BBS1: variants seen among roughly 807,000 people sequenced by gnomAD.
The protein encoded by BBS1 is BBSome complex member BBS1.
A neutral mutation model predicts 73.9 loss-of-function variants in BBS1; 60 were observed. The observed-to-expected ratio is 0.81, with a 90% CI of 0.66 to 1.01. The LOEUF is 1.01. Among genes scored for constraint, BBS1 ranks in the 50% least tolerant of loss-of-function variants. The pLI is 0.00. For synonymous variants in BBS1, 283 were observed against 317.4 expected (o/e 0.89, Z 1.15); for missense variants, 718 against 770.3 (o/e 0.93, Z 0.80).
chr11:66,521,279 C>A lies in BBS1; in HGVS notation c.733C>A (p.Pro245Thr), dbSNP rs932467950. Residue 245 changes from proline (P) to threonine (T), a missense_variant, in exon 9 of 17, where the codon CCC becomes ACC. Physicochemically the swap from Pro to Thr is conservative, Grantham distance 38 (BLOSUM62 -1). Coordinates refer to ENST00000318312, the MANE Select transcript of BBS1 (RefSeq NM_024649.5). The stretch of plus-strand genomic sequence containing the variant: ...CGCTTCTTGTTTGCAGATGAGCCTT[C>A]CCAGCGTCCCCGTCTTCCTAGAGGT... ...AFTILAKMSL[P>T]SVPVFLEVSG... The A allele has an allele frequency of 6.2e-7, 1 of 1,613,918 alleles. No homozygotes were observed. Among genetic ancestry groups the A allele is most frequent in the Non-Finnish European group, 8.5e-7 (1 of 1,179,932 alleles).
intron 7 of BBS1, among the ~76,000 whole-genome samples, chr11:66,518,974 G>A (rs1339575148): frequency 1.3e-5 from 2 of 152,110 alleles, no homozygotes; most frequent in African/African-American, 4.8e-5. Context: ...TGCTGCCCAA[G>A]CTGGTCTTGG....
At chr11:66,523,225 G>A in intron 9 of BBS1, 1 of 656,214 alleles carries the variant, frequency 1.5e-6, no homozygotes, top group Non-Finnish European at 2.8e-6. Context: ...ACACCATAGT[G>A]AAGGTGGGAG....
Position 66,514,557 on chromosome 11 carries a change from T to C in BBS1, c.311T>C (p.Leu104Pro). 1 of 1,614,190 alleles carries C rather than the reference T, an allele frequency of 6.2e-7. No individual in the cohort carries two copies. Among genetic ancestry groups the C allele is most frequent in the Non-Finnish European group, 8.5e-7 (1 of 1,180,040 alleles). Residue 104 changes from leucine (L) to proline (P), a missense_variant, in exon 4 of 17, where the codon CTG (leucine) becomes CCG (proline). Coordinates refer to ENST00000318312, the MANE Select transcript of BBS1 (RefSeq NM_024649.5). Reference protein sequence around the residue: ...MEQHEPRTPALALASGPCVYV... With the variant: ...MEQHEPRTPAPALASGPCVYV... ...CAACATGAGCCCCGGACCCCAGCTC[T>C]GGCACTTGCTTCAGGCCCTTGTGTC...
intron 8 of BBS1, among the ~76,000 whole-genome samples, chr11:66,520,138 C>T (rs954829278): frequency 5.3e-5 from 8 of 151,986 alleles, no homozygotes; most frequent in Non-Finnish European, 1.2e-4. Context: ...CCAGCCTGGG[C>T]GACAGAGTGA....
At chr11:66,519,992 T>C (rs548085992) in intron 8 of BBS1, 1 of 417,144 alleles carries the variant, frequency 2.4e-6, no homozygotes, top group Admixed American at 3.6e-5. Flanking sequence ...TGTAAATATT[T>C]CTCTTTATAA....
In BBS1 at chr11:66,531,652, T is replaced by G; in HGVS notation, c.1609-4T>G. 1 of 1,614,014 alleles carries G rather than the reference T, an allele frequency of 6.2e-7. No homozygotes were observed. The highest frequency in any genetic ancestry group is 1.1e-5 in the South Asian group (1 of 91,086). Reference sequence around the variant, plus strand: ...TTTCCTTACTTCTTTGTCCCCAAACTTAGGTACCCTTGCTGGTGCCAGGGC... The same window carrying G: ...TTTCCTTACTTCTTTGTCCCCAAACGTAGGTACCCTTGCTGGTGCCAGGGC... On this transcript the variant is annotated splice_polypyrimidine_tract_variant and splice_region_variant and intron_variant, in intron 15 of 16. Coordinates refer to ENST00000318312, the MANE Select transcript of BBS1 (RefSeq NM_024649.5).
At chr11:66,530,362 C>T (rs949306399) in intron 14 of BBS1, among the ~76,000 whole-genome samples, 4 of 151,684 alleles carry the variant, frequency 2.6e-5, no homozygotes, top group Non-Finnish European at 4.4e-5. Flanking sequence ...CGGCCTCACC[C>T]GCAAGCACCG....
At chr11:66,511,984 T>G (rs970946984) in intron 3 of BBS1, among the ~76,000 whole-genome samples, 1 of 140,748 alleles carries the variant, frequency 7.1e-6, no homozygotes, top group Admixed American at 7.0e-5. Context: ...GATGACAGAG[T>G]GAGACAGTTT....
At chr11:66,521,504 A>C (rs1291958124) in intron 9 of BBS1, 128 bp downstream of exon 9, 3 of 771,604 alleles carry the variant, frequency 3.9e-6, no homozygotes, top group Non-Finnish European at 2.2e-6. Context: ...GAACTTCATA[A>C]AGGAGGCTGA....
intron 7 of BBS1, among the ~76,000 whole-genome samples, chr11:66,519,077 A>AT (rs1856122461): frequency 6.6e-6 from 1 of 152,124 alleles, no homozygotes; most frequent in Non-Finnish European, 1.5e-5. Flanking sequence ...TATTCTTTTT[A>AT]AATATGACTT....
intron 15 of BBS1, 138 bp downstream of exon 15, chr11:66,531,166 C>A: frequency 8.0e-7 from 1 of 1,250,974 alleles, no homozygotes; most frequent in Non-Finnish European, 1.1e-6. Context: ...ACTCTCCCAC[C>A]ACAGACCAGG....
intron 13 of BBS1, chr11:66,529,427 C>G (rs1225985416): frequency 5.4e-6 from 5 of 930,022 alleles, no homozygotes; most frequent in Admixed American, 2.0e-5. Flanking sequence ...TGCACAATAT[C>G]GAGCGTGGAC....
rs1380881883 is a variant in BBS1 at position 66,511,215 on chromosome 11, T to G, written c.135T>G (p.Asp45Glu). 1 of 1,613,948 alleles carries G rather than the reference T, an allele frequency of 6.2e-7. No individual in the cohort carries two copies. The highest frequency in any genetic ancestry group is 1.1e-5 in the South Asian group (1 of 91,064). Residue 45 changes from aspartate to glutamate, a missense_variant, in exon 3 of 17, where the codon GAT (aspartate) becomes GAG (glutamate). Asp to Glu is a conservative substitution (Grantham distance 45). Coordinates refer to ENST00000318312, the MANE Select transcript of BBS1 (RefSeq NM_024649.5). ...HTFSACLALA[D>E]LHGDGEYKLV... ...CCTTTTGTTTTCCAGCGCTGGCAGA[T>G]TTACATGGGGATGGGGAATACAAGG...
rs779143247 is a variant in BBS1, at chr11:66,510,674, C to T, written c.15C>T (p.Ser5=). Residue 5 remains serine (S), a synonymous_variant, in exon 1 of 17, where the codon TCC becomes TCT. Coordinates refer to ENST00000318312, the MANE Select transcript of BBS1 (RefSeq NM_024649.5). The stretch of plus-strand genomic sequence containing the variant: ...CGCCTGCGAAGATGGCCGCTGCGTC[C>T]TCATCGGATTCCGACGCCTGCGGAG... MAAA[S]SSDSDACGAE... is the part of the protein sequence containing the mutation. 3.7e-6 allele frequency: 6 copies of T among 1,614,202 alleles called. No individual in the cohort carries two copies. Among genetic ancestry groups the T allele is most frequent in the Non-Finnish European group, 5.1e-6 (6 of 1,180,034 alleles).
In BBS1 at chr11:66,530,962, CCT is replaced by C; in HGVS notation, c.1543_1544del (p.Leu515GlyfsTer42). 1 of 1,614,218 alleles carries C rather than the reference CCT, an allele frequency of 6.2e-7. No individual in the cohort carries two copies. Among genetic ancestry groups the C allele is most frequent in the Non-Finnish European group, 8.5e-7 (1 of 1,180,034 alleles). ...LQNTSTTRPV[L>X]GLLVCFLYNE... Reference sequence around the variant, plus strand: ...AGAACACCTCAACAACCCGTCCTGTCCTGGGGCTGCTGGTCTGCTTCCTGTAC... The same window carrying C: ...AGAACACCTCAACAACCCGTCCTGTCGGGGCTGCTGGTCTGCTTCCTGTAC... On this transcript the variant is annotated frameshift_variant, in exon 15 of 17. Coordinates refer to ENST00000318312, the MANE Select transcript of BBS1 (RefSeq NM_024649.5). LOFTEE classifies it high-confidence loss of function.
chr11:66,516,909 A>G (rs1283103914), intron 7 of BBS1, among the ~76,000 whole-genome samples: 1 of 152,088 alleles, frequency 6.6e-6, no homozygotes, highest in Non-Finnish European at 1.5e-5. Flanking sequence ...ATCTAAAGAA[A>G]AACATCTTGG....
chr11:66,524,429 C>T (rs148688150), intron 11 of BBS1, among the ~76,000 whole-genome samples: 5 of 150,244 alleles, frequency 3.3e-5, no homozygotes, highest in African/African-American at 9.8e-5. Flanking sequence ...TTAAAAGGGC[C>T]GACTGAAGCA....
In BBS1 at chr11:66,526,672, C is replaced by G. The variant is rs1369210181; in HGVS notation, c.1204C>G (p.Leu402Val). The G allele has an allele frequency of 6.2e-7, 1 of 1,614,208 alleles. No homozygotes were observed. Among genetic ancestry groups the G allele is most frequent in the Non-Finnish European group, 8.5e-7 (1 of 1,180,040 alleles). The change falls in exon 13 of 17, where the codon CTG (leucine) becomes GTG (valine). Residue 402 changes from leucine (L) to valine (V), a missense_variant. By Grantham distance (32) the Leu-to-Val change is conservative (BLOSUM62 1). Coordinates refer to ENST00000318312, the MANE Select transcript of BBS1 (RefSeq NM_024649.5). The stretch of plus-strand genomic sequence containing the variant: ...AGGTGGTGGCCTGATCATCAAGATC[C>G]TGAAGCGTACAGCAGTGTTTGTAGA... Reference protein sequence around the residue: ...TRGGGLIIKILKRTAVFVEGG... With the variant: ...TRGGGLIIKIVKRTAVFVEGG...
chr11:66,512,013 T>A (rs1855960232), intron 3 of BBS1, among the ~76,000 whole-genome samples: 1 of 146,164 alleles, frequency 6.8e-6, no homozygotes. Context: ...AATATATATA[T>A]ATATATGTGT....
Sources: gnomAD v4.1 joint callset for allele counts (sites outside exome capture counted in the v4.1 genomes callset) on GRCh38, gnomAD v4.1.1 for gene constraint, MANE v1.5 for transcripts, NCBI Gene and HGNC (gene_info 2026-07-23, HGNC 2026-07-21) for gene names.